Variants in TJP1 observed in about 807,000 individuals in gnomAD.
TJP1 encodes tight junction protein 1.
Under a neutral mutation model 194.2 loss-of-function variants are expected in TJP1, and 43 were observed. That is an observed-to-expected ratio of 0.22 (90% confidence interval 0.17 to 0.29). The LOEUF (loss-of-function observed/expected upper bound fraction) is 0.29, where lower values mean the gene tolerates loss of function less well. Ranked by LOEUF, TJP1 falls within the 10% of genes least tolerant of loss-of-function variation. TJP1 has a pLI of 1.00. For synonymous variants in TJP1, 801 were observed against 779.0 expected (o/e 1.03, Z -0.47); for missense variants, 1,971 against 2,185.7 (o/e 0.90, Z 1.96).
intron 8 of TJP1, among the ~76,000 whole-genome samples, chr15:29,760,669 G>A (rs892171740): frequency 2.6e-5 from 4 of 152,170 alleles, no homozygotes; most frequent in East Asian, 1.9e-4. Flanking sequence ...GAGCCACCGC[G>A]CCCGGCCAAC....
At position 29,761,494 on chromosome 15, in the gene TJP1, T is replaced by C. The variant is rs1164365158; in HGVS notation, c.862+107A>G. On this transcript the variant is annotated intron_variant, in intron 7 of 27. Transcript: ENST00000614355. ...ATATAAAACTTATAGATTTTGAAGG[T>C]GTTTGGCTGGTAGAAAATTATCATT... 7.1e-6 allele frequency: 10 copies of C among 1,400,332 alleles called. No individual in the cohort carries two copies. In the Admixed American group the frequency reaches 7.3e-5, roughly 10 times the overall value. 86.7% of individuals were successfully genotyped at this position (1,400,332 alleles called of 1,614,324 possible).
At chr15:29,796,826 C>T (rs1056487529) in intron 2 of TJP1, among the ~76,000 whole-genome samples, 1 of 152,144 alleles carries the variant, frequency 6.6e-6, no homozygotes, top group Non-Finnish European at 1.5e-5. Context: ...GGCAGACACA[C>T]AGATCAACAG....
chr15:29,932,949 A>G (rs928697785), intron 2 of TJP1, among the ~76,000 whole-genome samples: 1 of 152,226 alleles, frequency 6.6e-6, no homozygotes, highest in Non-Finnish European at 1.5e-5. Flanking sequence ...AACTGTTTTT[A>G]TGATTATAAA....
At chr15:29,819,504 C>T (rs1038476914) in intron 1 of TJP1, among the ~76,000 whole-genome samples, 1 of 152,142 alleles carries the variant, frequency 6.6e-6, no homozygotes, top group Non-Finnish European at 1.5e-5. Flanking sequence ...ACTAAAAGCC[C>T]ATAAATGCAC....
intron 2 of TJP1, among the ~76,000 whole-genome samples, chr15:29,794,759 G>A (rs1037086082): frequency 6.6e-6 from 1 of 152,050 alleles, no homozygotes; most frequent in Admixed American, 6.5e-5. Flanking sequence ...GATGTAATGT[G>A]GTAATAGCAA....
chr15:29,949,269 C>T (rs2055430149), intron 2 of TJP1, among the ~76,000 whole-genome samples: 1 of 115,536 alleles, frequency 8.7e-6, no homozygotes, highest in Non-Finnish European at 1.7e-5. Flanking sequence ...ACCACCACCA[C>T]CTCCATCACC....
At chr15:29,804,553 T>G (rs978492846) in intron 1 of TJP1, among the ~76,000 whole-genome samples, 1 of 152,164 alleles carries the variant, frequency 6.6e-6, no homozygotes, top group Non-Finnish European at 1.5e-5. Flanking sequence ...AAGAAACGCA[T>G]GGCTTCTGGA....
chr15:29,758,159 T>G (rs952897252), intron 8 of TJP1, among the ~76,000 whole-genome samples: 1 of 152,120 alleles, frequency 6.6e-6, no homozygotes, highest in Admixed American at 6.5e-5. Context: ...CACTCAACAG[T>G]AGGCTATTAA....
intron 2 of TJP1, among the ~76,000 whole-genome samples, chr15:29,793,747 C>G (rs1179299365): frequency 6.6e-6 from 1 of 152,194 alleles, no homozygotes; most frequent in Admixed American, 6.5e-5. Flanking sequence ...CCAGGCCCCT[C>G]CTCCAACACT....
At chr15:29,863,136 A>G (rs1199254608) in intron 2 of TJP1, among the ~76,000 whole-genome samples, 1 of 151,662 alleles carries the variant, frequency 6.6e-6, no homozygotes, top group African/African-American at 2.4e-5. Flanking sequence ...TCTGTACTAA[A>G]AACACAAAAA....
intron 8 of TJP1, among the ~76,000 whole-genome samples, chr15:29,755,741 A>G (rs566898186): frequency 1.3e-5 from 2 of 152,158 alleles, no homozygotes; most frequent in Non-Finnish European, 2.9e-5. Context: ...ACACTTTAGA[A>G]AACAGTTTAG....
intron 2 of TJP1, among the ~76,000 whole-genome samples, chr15:29,905,365 A>G (rs187126537): frequency 9.5e-4 from 144 of 152,340 alleles, no homozygotes; most frequent in African/African-American, 3.3e-3. Context: ...AACTGGAAAA[A>G]AATCTAAATG....
chr15:29,904,125 G>T (rs926833396), intron 2 of TJP1, among the ~76,000 whole-genome samples: 1 of 152,098 alleles, frequency 6.6e-6, no homozygotes, highest in Non-Finnish European at 1.5e-5. Context: ...GGAGACCAGG[G>T]GTGGGCAAAG....
intron 5 of TJP1, among the ~76,000 whole-genome samples, chr15:29,764,021 G>C (rs541338126): frequency 1.2e-4 from 18 of 152,266 alleles, no homozygotes; most frequent in African/African-American, 3.4e-4. Context: ...TTGTATATTA[G>C]TTTGTTCGTT....
intron 2 of TJP1, among the ~76,000 whole-genome samples, chr15:29,845,770 C>CTGGA (rs1471991354): frequency 7.9e-5 from 12 of 152,234 alleles, no homozygotes; most frequent in African/African-American, 2.2e-4. Context: ...CGCCACTGCA[C>CTGGA]TCCAGCCTGG....
chr15:29,859,453 C>T (rs899471829), intron 2 of TJP1, among the ~76,000 whole-genome samples: 3 of 152,174 alleles, frequency 2.0e-5, no homozygotes, highest in Non-Finnish European at 4.4e-5. Flanking sequence ...ACTCTGACCC[C>T]GCAGCAATCT....
intron 5 of TJP1, among the ~76,000 whole-genome samples, chr15:29,764,942 AG>A (rs2046239643): frequency 6.6e-6 from 1 of 152,074 alleles, no homozygotes; most frequent in South Asian, 2.1e-4. Flanking sequence ...ATTCAACCTG[AG>A]GAAAAGAAAA....
intron 2 of TJP1, among the ~76,000 whole-genome samples, chr15:29,787,272 C>G (rs2047758673): frequency 6.6e-6 from 1 of 152,126 alleles, no homozygotes; most frequent in African/African-American, 2.4e-5. Flanking sequence ...TGGACCCCTA[C>G]CTCACAACAT....
intron 15 of TJP1, chr15:29,729,149 CTT>C (rs2043431135): frequency 6.6e-6 from 1 of 152,038 alleles, no homozygotes; most frequent in Admixed American, 6.6e-5. Flanking sequence ...CTACAGATAA[CTT>C]AGCCAGGTGC....
Sources: gnomAD v4.1 joint callset for allele counts (sites outside exome capture counted in the v4.1 genomes callset) on GRCh38, gnomAD v4.1.1 for gene constraint, MANE v1.5 for transcripts, NCBI Gene and HGNC (gene_info 2026-07-23, HGNC 2026-07-21) for gene names.